AGTPBP1: variants seen among roughly 807,000 people sequenced by gnomAD.
AGTPBP1 encodes the protein cytosolic carboxypeptidase 1.
A neutral mutation model predicts 143.9 loss-of-function variants in AGTPBP1; 70 were observed. That is an observed-to-expected ratio of 0.49 (90% CI 0.40 to 0.59). The LOEUF is 0.59. AGTPBP1 is among the 20% of genes least tolerant of loss of function. AGTPBP1 has a pLI of 0.00. For missense variants in AGTPBP1, 1,229 were observed against 1,464.5 expected, an observed-to-expected ratio of 0.84 and a Z score of 2.62; for synonymous variants, 463 against 500.2, an observed-to-expected ratio of 0.93 and a Z score of 0.99.
At chr9:85,613,577 C>G (rs1830442262) in intron 17 of AGTPBP1, among the ~76,000 whole-genome samples, 1 of 151,888 alleles carries the variant, frequency 6.6e-6, no homozygotes. Flanking sequence ...AAAAACTAGT[C>G]TAGACTGAGT....
intron 22 of AGTPBP1, among the ~76,000 whole-genome samples, chr9:85,586,460 A>ACAGTT (rs1372638929): frequency 6.6e-6 from 1 of 152,234 alleles, no homozygotes; most frequent in East Asian, 1.9e-4. Context: ...GCGTATGTAT[A>ACAGTT]CAGTCCAGTC....
chr9:85,728,970 TAAAAGTAATGG>T (rs1384362497), intron 1 of AGTPBP1, among the ~76,000 whole-genome samples: 1 of 152,162 alleles, frequency 6.6e-6, no homozygotes, highest in Non-Finnish European at 1.5e-5. Flanking sequence ...TACTTTTAAT[TAAAAGTAATGG>T]CAAAAACTGT....
At chr9:85,560,094 C>G (rs950856852) in intron 25 of AGTPBP1, among the ~76,000 whole-genome samples, 6 of 152,062 alleles carry the variant, frequency 3.9e-5, no homozygotes, top group Admixed American at 1.3e-4. Flanking sequence ...GTATCAAAAG[C>G]AAACAAGAGA....
intron 14 of AGTPBP1, among the ~76,000 whole-genome samples, chr9:85,625,912 T>G (rs1314357908): frequency 3.4e-5 from 5 of 148,298 alleles, no homozygotes; most frequent in South Asian, 2.1e-4. Flanking sequence ...TTGTTTTTTT[T>G]TTTTTTTTTT....
chr9:85,700,928 T>C (rs75954079), intron 2 of AGTPBP1, among the ~76,000 whole-genome samples: 1 of 152,178 alleles, frequency 6.6e-6, no homozygotes, highest in South Asian at 2.1e-4. Flanking sequence ...CTTTTTTTTT[T>C]CTTTTTTGAG....
At chr9:85,594,304 A>T (rs1829155503) in intron 18 of AGTPBP1, among the ~76,000 whole-genome samples, 1 of 152,232 alleles carries the variant, frequency 6.6e-6, no homozygotes, top group Non-Finnish European at 1.5e-5. Context: ...CACAATGCAA[A>T]AACAGATTTT....
chr9:85,684,668 T>C (rs532272803), intron 3 of AGTPBP1, among the ~76,000 whole-genome samples: 38 of 152,270 alleles, frequency 2.5e-4, no homozygotes, highest in Non-Finnish European at 8.8e-5. Context: ...GTGCTTTTGT[T>C]GTGATCAGTA....
chr9:85,633,434 A>G (rs1269559481), intron 13 of AGTPBP1, 60 bp from the exon 14 acceptor site: 10 of 1,262,682 alleles, frequency 7.9e-6, no homozygotes, highest in Non-Finnish European at 9.6e-6. Flanking sequence ...TATTAACAAA[A>G]CTAATACATT....
At chr9:85,681,819 C>T (rs1223166937) in intron 3 of AGTPBP1, among the ~76,000 whole-genome samples, 1 of 145,868 alleles carries the variant, frequency 6.9e-6, no homozygotes, top group Non-Finnish European at 1.5e-5. Flanking sequence ...GCGCAATCTC[C>T]GCTCACTACA....
At chr9:85,566,879 G>C (rs948530452) in intron 25 of AGTPBP1, among the ~76,000 whole-genome samples, 15 of 152,156 alleles carry the variant, frequency 9.9e-5, no homozygotes, top group African/African-American at 3.6e-4. Context: ...AGAAAATAAG[G>C]CTGAGACTTC....
intron 7 of AGTPBP1, among the ~76,000 whole-genome samples, chr9:85,671,718 C>T (rs1472127583): frequency 6.6e-6 from 1 of 152,098 alleles, no homozygotes; most frequent in Non-Finnish European, 1.5e-5. Flanking sequence ...TGCGTGGAAC[C>T]TCGTGTTAGT....
At chr9:85,796,903 C>T in the AGTPBP1 span, among the ~76,000 whole-genome samples, 7 of 152,140 alleles carry the variant, frequency 4.6e-5, no homozygotes, top group African/African-American at 1.7e-4. Context: ...TCTCCTGCCT[C>T]AGCCTCCCGA....
At position 85,681,352 on chromosome 9, in the gene AGTPBP1, A is replaced by G. The variant is rs777585350; in HGVS notation, c.158-17T>C. The G allele has an allele frequency of 6.2e-7, 1 of 1,606,652 alleles. No individual in the cohort carries two copies. Among genetic ancestry groups the G allele is most frequent in the South Asian group, 1.1e-5 (1 of 89,538 alleles). On this transcript the variant is annotated splice_polypyrimidine_tract_variant and intron_variant, in intron 3 of 25. Coordinates refer to ENST00000357081, the MANE Select transcript of AGTPBP1 (RefSeq NM_001330701.2). ...TTGTTTTTTCTGAAAAGTAGCAAAC[A>G]ATTTTTTTCTCAAACATAAATTTTT...
At chr9:85,648,296 G>C (rs1832939881) in intron 11 of AGTPBP1, among the ~76,000 whole-genome samples, 1 of 152,168 alleles carries the variant, frequency 6.6e-6, no homozygotes, top group Admixed American at 6.5e-5. Flanking sequence ...CTGTGCTACT[G>C]GGTCTCTTTG....
the AGTPBP1 span, among the ~76,000 whole-genome samples, chr9:85,784,439 G>T: frequency 6.6e-6 from 1 of 151,950 alleles, no homozygotes; most frequent in South Asian, 2.1e-4. Context: ...TTGGGGTCTT[G>T]CTCTGTTGCC....
At chr9:85,625,900 T>G (rs1259187784) in intron 14 of AGTPBP1, among the ~76,000 whole-genome samples, 2 of 88,962 alleles carry the variant, frequency 2.2e-5, no homozygotes, top group Non-Finnish European at 4.2e-5. Flanking sequence ...AAAAACCTAG[T>G]TTTGTTTTTT....
chr9:85,606,093 A>G (rs1446792716), intron 17 of AGTPBP1, among the ~76,000 whole-genome samples: 1 of 152,008 alleles, frequency 6.6e-6, no homozygotes, highest in Non-Finnish European at 1.5e-5. Context: ...AAAAGGAAAC[A>G]ATCAACAGGG....
the AGTPBP1 span, among the ~76,000 whole-genome samples, chr9:85,803,389 T>C: frequency 5.3e-5 from 8 of 152,166 alleles, no homozygotes; most frequent in Non-Finnish European, 8.8e-5. Context: ...ATTACCCTAT[T>C]CTCCTCCCAT....
chr9:85,618,038 G>A (rs1396457222), intron 17 of AGTPBP1, among the ~76,000 whole-genome samples: 6 of 152,048 alleles, frequency 3.9e-5, no homozygotes, highest in East Asian at 3.9e-4. Context: ...TCAGGAGTGC[G>A]AGACCAGCCT....
Sources: allele counts gnomAD v4.1 joint callset (sites outside exome capture counted in the v4.1 genomes callset), GRCh38; gene constraint gnomAD v4.1.1; transcripts MANE v1.5; gene names NCBI Gene and HGNC (gene_info 2026-07-23, HGNC 2026-07-21).